UBE2D1: variants seen among roughly 807,000 people sequenced by gnomAD.
The protein encoded by UBE2D1 is ubiquitin conjugating enzyme E2 D1, also known as ubiquitin-conjugating enzyme E2 D1.
A neutral mutation model predicts 24.6 loss-of-function variants in UBE2D1; 9 were observed. That is an observed-to-expected ratio of 0.37 (90% CI 0.22 to 0.64). UBE2D1 has a LOEUF of 0.64. UBE2D1 is among the 30% of genes least tolerant of loss of function. The pLI, the probability that UBE2D1 is intolerant of heterozygous loss-of-function variation, is 0.64. For missense variants in UBE2D1, 87 were observed against 177.1 expected (o/e 0.49, Z 2.89); for synonymous variants, 57 against 57.6 (o/e 0.99, Z 0.04).
chr10:58,351,434 T>A lies in UBE2D1; in HGVS notation c.25-9904T>A, dbSNP rs549259254. On this transcript the variant is annotated intron_variant, in intron 1 of 6. Coordinates refer to ENST00000373910, the MANE Select transcript of UBE2D1 (RefSeq NM_003338.5). ...TTTTTCACTTTTTAAGCTTTTTTGTTAAAAACTAAGACACAAACCCACACA... is the reference window on the plus strand; with the variant it reads ...TTTTTCACTTTTTAAGCTTTTTTGTAAAAAACTAAGACACAAACCCACACA... Among the ~76,000 whole-genome samples, 5 of 152,340 alleles carry A rather than the reference T, an allele frequency of 3.3e-5. No homozygotes were observed. The South Asian group carries it at 1.0e-3, about 32-fold the overall frequency.
chr10:58,353,151 A>G (rs757785327), intron 1 of UBE2D1, among the ~76,000 whole-genome samples: 1 of 152,228 alleles, frequency 6.6e-6, no homozygotes, highest in Non-Finnish European at 1.5e-5. Flanking sequence ...GTGCCTGACC[A>G]GTGATTTATG....
intron 2 of UBE2D1, 33 bp downstream of exon 2, chr10:58,361,434 C>A (rs750449501): frequency 6.2e-7 from 1 of 1,614,132 alleles, no homozygotes; most frequent in Admixed American, 1.7e-5. Flanking sequence ...GATTATGCTA[C>A]CTTTAAAAAT....
intron 1 of UBE2D1, among the ~76,000 whole-genome samples, chr10:58,335,830 T>C (rs1047054306): frequency 3.3e-5 from 5 of 152,208 alleles, no homozygotes; most frequent in African/African-American, 1.2e-4. Context: ...CCTCTGCTGC[T>C]GCCACTTCAG....
chr10:58,335,264 GC>G, intron 1 of UBE2D1, 39 bp downstream of exon 1: 10 of 1,500,714 alleles, frequency 6.7e-6, no homozygotes, highest in East Asian at 2.7e-5. Context: ...CGGGGCAGCG[GC>G]CCCCTGCCCA....
intron 1 of UBE2D1, among the ~76,000 whole-genome samples, chr10:58,338,881 T>G (rs1157217883): frequency 6.6e-6 from 1 of 152,238 alleles, no homozygotes; most frequent in Non-Finnish European, 1.5e-5. Flanking sequence ...AGTGTGTAAT[T>G]CTGGCCCCCA....
At chr10:58,368,598 T>C (rs1840282180) in intron 6 of UBE2D1, 122 bp from the exon 7 acceptor site, 2 of 506,598 alleles carry the variant, frequency 3.9e-6, no homozygotes, top group Non-Finnish European at 6.4e-6. Context: ...GACCCAGTAA[T>C]TGATATATGT....
chr10:58,357,816 TA>T (rs1411732804), intron 1 of UBE2D1, among the ~76,000 whole-genome samples: 1 of 152,170 alleles, frequency 6.6e-6, no homozygotes, highest in African/African-American at 2.4e-5. Context: ...TTACTGTAAT[TA>T]TTTGTGACAA....
chr10:58,340,840 T>C (rs1839954334), intron 1 of UBE2D1, among the ~76,000 whole-genome samples: 1 of 152,218 alleles, frequency 6.6e-6, no homozygotes, highest in Non-Finnish European at 1.5e-5. Flanking sequence ...AGTACATAGC[T>C]TCTCTTATCC....
intron 3 of UBE2D1, 124 bp from the exon 4 acceptor site, chr10:58,363,485 T>C: frequency 1.6e-6 from 1 of 609,368 alleles, no homozygotes; most frequent in Non-Finnish European, 2.7e-6. Context: ...ATTGGTAATA[T>C]TTAATGAAAT....
At chr10:58,342,706 T>C (rs2132315499) in intron 1 of UBE2D1, among the ~76,000 whole-genome samples, 1 of 152,308 alleles carries the variant, frequency 6.6e-6, no homozygotes, top group South Asian at 2.1e-4. Context: ...TTATTTGCCA[T>C]ATGTTTGGAG....
chr10:58,348,150 A>G (rs1840035940), intron 1 of UBE2D1, among the ~76,000 whole-genome samples: 1 of 152,222 alleles, frequency 6.6e-6, no homozygotes, highest in Admixed American at 6.5e-5. Context: ...TTTGGTTCCT[A>G]TAACTTCATT....
At chr10:58,366,419 T>G (rs557173278) in intron 5 of UBE2D1, among the ~76,000 whole-genome samples, 1 of 152,214 alleles carries the variant, frequency 6.6e-6, no homozygotes, top group South Asian at 2.1e-4. Flanking sequence ...TTCCTTACCT[T>G]AAAGGATAGA....
At chr10:58,345,807 G>A (rs1227660458) in intron 1 of UBE2D1, among the ~76,000 whole-genome samples, 1 of 152,056 alleles carries the variant, frequency 6.6e-6, no homozygotes, top group Non-Finnish European at 1.5e-5. Flanking sequence ...GGCTTGTAGA[G>A]GAAGCTACGG....
chr10:58,357,061 A>T (rs973301182), intron 1 of UBE2D1, among the ~76,000 whole-genome samples: 9 of 152,032 alleles, frequency 5.9e-5, no homozygotes, highest in African/African-American at 1.9e-4. Context: ...AAGAAGTGGG[A>T]ATCTGGGGTA....
At chr10:58,362,267 T>C (rs1490549447) in intron 3 of UBE2D1, among the ~76,000 whole-genome samples, 3 of 152,210 alleles carry the variant, frequency 2.0e-5, no homozygotes, top group Non-Finnish European at 4.4e-5. Flanking sequence ...AACACCATTC[T>C]CTTCTCCCTG....
chr10:58,359,565 A>C (rs1247674172), intron 1 of UBE2D1, among the ~76,000 whole-genome samples: 1 of 152,106 alleles, frequency 6.6e-6, no homozygotes. Context: ...CTACTCTCCA[A>C]ATCAGTTTGT....
chr10:58,368,883 A>G lies in UBE2D1; in HGVS notation c.*118A>G. The G allele has an allele frequency of 1.7e-6, 1 of 600,842 alleles. No individual in the cohort carries two copies. Among genetic ancestry groups the G allele is most frequent in the Non-Finnish European group, 2.6e-6 (1 of 386,812 alleles). 37.2% of individuals were successfully genotyped at this position (600,842 alleles called of 1,614,324 possible). A position where few individuals can be genotyped will look rare whatever the true frequency, so the allele number is the denominator to read the frequency against. On this transcript the variant is annotated 3_prime_UTR_variant, in exon 7 of 7. Coordinates refer to ENST00000373910, the MANE Select transcript of UBE2D1 (RefSeq NM_003338.5). ...TGTACCATGAAACCATTTGATTTTT[A>G]CCCATTTTAAATGTGTTTCTGAAGC...
At chr10:58,343,794 C>G (rs1839987358) in intron 1 of UBE2D1, among the ~76,000 whole-genome samples, 1 of 152,138 alleles carries the variant, frequency 6.6e-6, no homozygotes, top group African/African-American at 2.4e-5. Context: ...CAAGTGCCCA[C>G]TATATGCCAG....
chr10:58,361,274 A>T, intron 1 of UBE2D1, 64 bp from the exon 2 acceptor site: 4 of 1,535,452 alleles, frequency 2.6e-6, no homozygotes, highest in Non-Finnish European at 3.6e-6. Flanking sequence ...ATCTTAATGG[A>T]TCATTACCCT....
Sources: gnomAD v4.1 joint callset for allele counts (sites outside exome capture counted in the v4.1 genomes callset) on GRCh38, gnomAD v4.1.1 for gene constraint, MANE v1.5 for transcripts, NCBI Gene and HGNC (gene_info 2026-07-23, HGNC 2026-07-21) for gene names.